F12: variants seen among roughly 807,000 people sequenced by gnomAD.
F12 encodes the protein Hageman factor.
A neutral mutation model predicts 74.8 loss-of-function variants in F12; 70 were observed. That is an observed-to-expected ratio of 0.94 (90% CI 0.77 to 1.14). F12 has a LOEUF of 1.14. F12 is among the 50% of genes most tolerant of loss of function. The pLI is 0.00. For missense variants in F12, 811 were observed against 835.7 expected, an observed-to-expected ratio of 0.97 and a Z score of 0.36; for synonymous variants, 373 against 356.4, an observed-to-expected ratio of 1.05 and a Z score of -0.52.
At chr5:177,407,250 A>G (rs1409996983) in intron 2 of F12, among the ~76,000 whole-genome samples, 2 of 152,250 alleles carry the variant, frequency 1.3e-5, no homozygotes, top group African/African-American at 4.8e-5. Context: ...TTGCTAGTTC[A>G]ATGTTCACTG....
At position 177,402,759 on chromosome 5, in the gene F12, G is replaced by A. The variant is rs560073376; in HGVS notation, c.1532-61C>T. 15 of 1,594,208 alleles carry A rather than the reference G, an allele frequency of 9.4e-6. No homozygotes were observed. In the East Asian group the frequency reaches 2.5e-4, roughly 27 times the overall value. ...GACAACGCTTGCCGCCCGGACGATGGACAAAGCTGCTCCAGGCGCTTGTAA... is the reference window on the plus strand; with the variant it reads ...GACAACGCTTGCCGCCCGGACGATGAACAAAGCTGCTCCAGGCGCTTGTAA... On this transcript the variant is annotated intron_variant, in intron 12 of 13. Coordinates refer to ENST00000253496, the MANE Select transcript of F12 (RefSeq NM_000505.4).
chr5:177,409,425 C>A (rs4314418), intron 1 of F12, 46 bp downstream of exon 1: 29,624 of 1,599,702 alleles, frequency 0.019, 372 homozygotes, highest in South Asian at 0.038. Flanking sequence ...GTGATAGCGA[C>A]CCCCCAGAAC....
chr5:177,408,158 C>G (rs41309134), intron 2 of F12, among the ~76,000 whole-genome samples: 2,000 of 152,036 alleles, frequency 0.013, 46 homozygotes, highest in African/African-American at 0.043. Context: ...CAGGTTCAAG[C>G]AATTCTTCTG....
rs548383123 is a variant in F12, at chr5:177,409,434, A to G, written c.57+37T>C. The G allele has an allele frequency of 6.2e-6, 10 of 1,611,698 alleles. 1 individual carries two copies. In the South Asian group the frequency reaches 7.7e-5, roughly 12 times the overall value. On this transcript the variant is annotated intron_variant, in intron 1 of 13. Transcript: ENST00000253496. Reference sequence around the variant, plus strand: ...ATGGCTGTGATAGCGACCCCCCAGAACAATCCTGGGACAATCCTGGTTCCC... The same window carrying G: ...ATGGCTGTGATAGCGACCCCCCAGAGCAATCCTGGGACAATCCTGGTTCCC...
rs1228754510 is a variant in F12, at chr5:177,404,027, T to A, written c.1082A>T (p.Gln361Leu). 6.2e-7 allele frequency: 1 copy of A among 1,602,218 alleles called. No homozygotes were observed. Among genetic ancestry groups the A allele is most frequent in the African/African-American group, 1.3e-5 (1 of 75,052 alleles). ...CGAAGACAGACTCTTGCGGAGCCGC[T>A]GCCCGCAGCTCAGTGGGCCGTTCCT... ...LTRNGPLSCG[Q>L]RLRKSLSSMT... Residue 361 changes from glutamine to leucine, a missense_variant, in exon 10 of 14, where the codon CAG becomes CTG. Physicochemically the swap from Gln to Leu is moderately radical, Grantham distance 113. Coordinates refer to ENST00000253496, the MANE Select transcript of F12 (RefSeq NM_000505.4).
chr5:177,403,561 C>G lies in F12; in HGVS notation c.1307G>C (p.Cys436Ser), dbSNP rs1314040524. 2 of 1,603,614 alleles carry G rather than the reference C, an allele frequency of 1.2e-6. No homozygotes were observed. Among genetic ancestry groups the G allele is most frequent in the Admixed American group, 1.7e-5 (1 of 59,318 alleles). Residue 436 changes from cysteine (C) to serine (S), a missense_variant, in exon 11 of 14, where the codon TGT becomes TCT. Physicochemically the swap from Cys to Ser is moderately radical, Grantham distance 112. Coordinates refer to ENST00000253496, the MANE Select transcript of F12 (RefSeq NM_000505.4). Reference protein sequence around the residue: ...VLGQERRNHSCEPCQTLAVRS... With the variant: ...VLGQERRNHSSEPCQTLAVRS... ...CACGGCCAACGTCTGGCACGGCTCA[C>G]AGCTGTGGTTACGGCGTTCCTGGCC...
At chr5:177,403,209 T>C (rs1325544327) in intron 12 of F12, 45 bp downstream of exon 12, 1 of 1,597,748 alleles carries the variant, frequency 6.3e-7, no homozygotes, top group Non-Finnish European at 8.5e-7. Flanking sequence ...AACCCAGTGA[T>C]CAAAGGTCTC....
chr5:177,403,932 C>T lies in F12; in HGVS notation c.1177G>A (p.Gly393Ser). 2 of 1,599,228 alleles carry T rather than the reference C, an allele frequency of 1.3e-6. No individual in the cohort carries two copies. The highest frequency in any genetic ancestry group is 1.7e-6 in the Non-Finnish European group (2 of 1,177,302). ...AHPYIAALYWGHSFCAGSLIA... is the reference protein window; with the variant it reads ...AHPYIAALYWSHSFCAGSLIA... ...AGGCTGCCGGCGCAGAAACTGTGGC[C>T]CCAGTACAGCGCGGCGATGTAGGGG... Residue 393 changes from glycine to serine, a missense_variant, in exon 10 of 14, where the codon GGC (glycine) becomes AGC (serine). By Grantham distance (56) the Gly-to-Ser change is moderately conservative. Coordinates refer to ENST00000253496, the MANE Select transcript of F12 (RefSeq NM_000505.4).
At position 177,409,035 on chromosome 5, in the gene F12, A is replaced by C. The variant is rs201912855; in HGVS notation, c.115+11T>G. The C allele has an allele frequency of 4.5e-6, 7 of 1,550,992 alleles. No homozygotes were observed. The East Asian group carries it at 1.2e-4, about 27-fold the overall frequency. On this transcript the variant is annotated intron_variant, in intron 2 of 13. Coordinates refer to ENST00000253496, the MANE Select transcript of F12 (RefSeq NM_000505.4). ...CCAAGGGTTCCCGGGAGGAGGAGCC[A>C]GGCCACTTACCGACTGTGTGCTCTT...
chr5:177,405,576 C>G, intron 4 of F12, 143 bp from the exon 5 acceptor site: 1 of 1,190,072 alleles, frequency 8.4e-7, no homozygotes, highest in Non-Finnish European at 1.2e-6. Flanking sequence ...AATGGGACCA[C>G]TCCTTCCCAG....
rs577635876 is a variant in F12, at chr5:177,408,079, G to T, written c.115+967C>A. On this transcript the variant is annotated intron_variant, in intron 2 of 13. Coordinates refer to ENST00000253496, the MANE Select transcript of F12 (RefSeq NM_000505.4). ...TAAATTTTTTTTTTTTTTTTGAGAC[G>T]GAGTCTTGCTGTGTTGCCCAAGCTG... Among the ~76,000 whole-genome samples, 29 of 149,506 alleles carry T rather than the reference G, an allele frequency of 1.9e-4. 1 individual carries two copies. In the South Asian group the frequency reaches 5.7e-3, roughly 29 times the overall value.
chr5:177,403,737 G>A (rs1763206600), intron 10 of F12, 120 bp from the exon 11 acceptor site: 2 of 1,487,234 alleles, frequency 1.3e-6, no homozygotes, highest in Non-Finnish European at 1.8e-6. Flanking sequence ...GCTCCGGAGG[G>A]GCGTGGAAAG....
In F12 at chr5:177,404,105, G is replaced by C. The variant is rs1763219181; in HGVS notation, c.1019-15C>G. 6.3e-7 allele frequency: 1 copy of C among 1,599,332 alleles called. No individual in the cohort carries two copies. Among genetic ancestry groups the C allele is most frequent in the African/African-American group, 1.3e-5 (1 of 74,828 alleles). ...CGCCGGCAAGGCTGTGGAGGAGCAGGGGCTGAGGACGGAGAGCCCGCGGCC... is the reference window on the plus strand; with the variant it reads ...CGCCGGCAAGGCTGTGGAGGAGCAGCGGCTGAGGACGGAGAGCCCGCGGCC... On this transcript the variant is annotated splice_polypyrimidine_tract_variant and intron_variant, in intron 9 of 13. Transcript: ENST00000253496.
chr5:177,403,858 C>A lies in F12; in HGVS notation c.1250+1G>T, dbSNP rs1763209947. ...GCGGCTCTGGGCGGGCGGGTACTCG[C>A]CGGTCCTGCAGGCAGTGAGCGGCCG... is the stretch of plus-strand genomic sequence containing the variant. On this transcript the variant is annotated splice_donor_variant, in intron 10 of 13. Transcript: ENST00000253496. LOFTEE classifies it high-confidence loss of function. 1 of 1,531,080 alleles carries A rather than the reference C, an allele frequency of 6.5e-7. No individual in the cohort carries two copies. Among genetic ancestry groups the A allele is most frequent in the South Asian group, 1.2e-5 (1 of 83,500 alleles). 94.8% of individuals were successfully genotyped at this position (1,531,080 alleles called of 1,614,324 possible). A position where few individuals can be genotyped will look rare whatever the true frequency, so the allele number is the denominator to read the frequency against.
chr5:177,406,955 C>T (rs1342520517), intron 2 of F12, among the ~76,000 whole-genome samples: 1 of 152,156 alleles, frequency 6.6e-6, no homozygotes, highest in Non-Finnish European at 1.5e-5. Flanking sequence ...CAACGTTTTT[C>T]ACACTTTGTG....
chr5:177,402,218 A>T lies in F12; in HGVS notation c.*74T>A. On this transcript the variant is annotated 3_prime_UTR_variant, in exon 14 of 14. Transcript: ENST00000253496. Reference sequence around the variant, plus strand: ...TGGCCGCACTGGGGGAATGGGACACAATCTTGCCTTCCATGCCCCAGCCAC... The same window carrying T: ...TGGCCGCACTGGGGGAATGGGACACTATCTTGCCTTCCATGCCCCAGCCAC... 6.3e-7 allele frequency: 1 copy of T among 1,582,080 alleles called. No homozygotes were observed. The highest frequency in any genetic ancestry group is 2.3e-5 in the East Asian group (1 of 43,204).
intron 1 of F12, 97 bp downstream of exon 1, chr5:177,409,374 C>A: frequency 6.9e-7 from 1 of 1,439,414 alleles, no homozygotes; most frequent in Non-Finnish European, 9.7e-7. Flanking sequence ...TCCTAGTCAC[C>A]TGGACCCACA....
chr5:177,404,613 G>T lies in F12; in HGVS notation c.686C>A (p.Ala229Asp). ...DGRGLSYRGL[A>D]RTTLSGAPCQ... ...GGGCGCACCCGAGAGCGTGGTCCTGGCCAGGCCGCGGTAGCTGAGCCCGCG... is the reference window on the plus strand; with the variant it reads ...GGGCGCACCCGAGAGCGTGGTCCTGTCCAGGCCGCGGTAGCTGAGCCCGCG... The change falls in exon 8 of 14, where the codon GCC becomes GAC. Residue 229 changes from alanine to aspartate, a missense_variant. Physicochemically the swap from Ala to Asp is moderately radical, Grantham distance 126 (BLOSUM62 -2). Transcript: ENST00000253496. 1 of 1,607,520 alleles carries T rather than the reference G, an allele frequency of 6.2e-7. No individual in the cohort carries two copies.
At chr5:177,402,846 A>G (rs1763173812) in intron 12 of F12, 148 bp from the exon 13 acceptor site, 1 of 1,151,684 alleles carries the variant, frequency 8.7e-7, no homozygotes, top group East Asian at 2.6e-5. Flanking sequence ...CATTAATTCA[A>G]TTTCATAGGC....
Sources: gnomAD v4.1 joint callset for allele counts (sites outside exome capture counted in the v4.1 genomes callset) on GRCh38, gnomAD v4.1.1 for gene constraint, MANE v1.5 for transcripts, NCBI Gene and HGNC (gene_info 2026-07-23, HGNC 2026-07-21) for gene names.